ST14: variants seen among roughly 807,000 people sequenced by gnomAD.
ST14 encodes the protein ST14 transmembrane serine protease matriptase.
ST14 carries 40 observed loss-of-function variants against 96.5 expected under a neutral mutation model. The observed-to-expected ratio is 0.41, with a 90% CI of 0.32 to 0.54. The LOEUF (loss-of-function observed/expected upper bound fraction) is 0.54. ST14 is among the 20% of genes least tolerant of loss of function. The probability of loss-of-function intolerance (pLI) is 0.17; values close to 1 mark genes in which losing one functional copy is unlikely to be tolerated. For synonymous variants in ST14, 506 were observed against 492.1 expected (o/e 1.03, Z -0.37); for missense variants, 1,066 against 1,188.9 (o/e 0.90, Z 1.52).
At chr11:130,197,512 A>G (rs1449913054) in intron 11 of ST14, among the ~76,000 whole-genome samples, 1 of 152,244 alleles carries the variant, frequency 6.6e-6, no homozygotes, top group Non-Finnish European at 1.5e-5. Context: ...CAGGCAGCCC[A>G]GCACACAGGG....
In ST14 at chr11:130,187,937, C is replaced by T. The variant is rs924176685; in HGVS notation, c.82-177C>T. The stretch of plus-strand genomic sequence containing the variant: ...CAGAGCATGCCCAGGGTTCATGTCC[C>T]GGGGTCTGCGCTCTGGGCAGTGGTC... On this transcript the variant is annotated intron_variant, in intron 1 of 18. Transcript: ENST00000278742. The surrounding 1 kb of genome is among the most constrained non-coding windows in gnomAD (Gnocchi z 4.5). Among the ~76,000 whole-genome samples the T allele has an allele frequency of 1.7e-4, 26 of 152,210 alleles. No homozygotes were observed. The highest frequency in any genetic ancestry group is 2.6e-4 in the Non-Finnish European group (18 of 68,026).
intron 1 of ST14, among the ~76,000 whole-genome samples, chr11:130,177,178 CTATT>C (rs1953147168): frequency 6.6e-6 from 1 of 152,086 alleles, no homozygotes; most frequent in African/African-American, 2.4e-5. Flanking sequence ...ACTTCCAACT[CTATT>C]TGGGCAATGG....
chr11:130,164,299 A>G (rs571598042), intron 1 of ST14, among the ~76,000 whole-genome samples: 1 of 152,178 alleles, frequency 6.6e-6, no homozygotes, highest in South Asian at 2.1e-4. Flanking sequence ...TTTCCTGCCA[A>G]GCTTCATTGA....
chr11:130,199,353 TAGACAC>T (rs1953404223), intron 15 of ST14, among the ~76,000 whole-genome samples: 4 of 152,194 alleles, frequency 2.6e-5, no homozygotes, highest in Non-Finnish European at 4.4e-5. Flanking sequence ...CCCTGCTGTG[TAGACAC>T]AGCTGTGGAG....
chr11:130,166,950 C>A (rs1461850267), intron 1 of ST14, among the ~76,000 whole-genome samples: 2 of 152,184 alleles, frequency 1.3e-5, no homozygotes, highest in Admixed American at 6.5e-5. Flanking sequence ...GTGGTTCATG[C>A]CTGTAATCCC....
chr11:130,198,476 C>T (rs1332893431), intron 13 of ST14, 32 bp from the exon 14 acceptor site: 1 of 1,612,978 alleles, frequency 6.2e-7, no homozygotes, highest in Non-Finnish European at 8.5e-7. Flanking sequence ...CTGACGGTGG[C>T]TCCTGGTGGC....
chr11:130,171,754 C>T (rs950526597), intron 1 of ST14, among the ~76,000 whole-genome samples: 1 of 152,250 alleles, frequency 6.6e-6, no homozygotes, highest in African/African-American at 2.4e-5. Flanking sequence ...GCCTCGGGCA[C>T]ACAGGCTGAA....
intron 15 of ST14, among the ~76,000 whole-genome samples, 183 bp from the exon 16 acceptor site, chr11:130,199,768 G>C (rs1953407876): frequency 6.6e-6 from 1 of 152,226 alleles, no homozygotes; most frequent in Non-Finnish European, 1.5e-5. Context: ...CATGGTGGAA[G>C]GGAGTCTGTG....
intron 16 of ST14, among the ~76,000 whole-genome samples, chr11:130,206,395 CGTGA>C (rs35794263): frequency 0.42 from 62,957 of 151,570 alleles, 13,748 homozygotes; most frequent in South Asian, 0.6. Flanking sequence ...TTTGAATCAG[CGTGA>C]GTGTCTCGTT....
Position 130,190,449 on chromosome 11 carries a change from C to A in ST14, c.635-5C>A, listed in dbSNP as rs199819888. 8 of 1,605,968 alleles carry A rather than the reference C, an allele frequency of 5.0e-6. No homozygotes were observed. In the Admixed American group the frequency reaches 1.0e-4, roughly 20 times the overall value. ...CACGTGCCCTCCTTCTTGTCTCCTG[C>A]GCAGACAGCTGCAGCTTTGGCCTGC... is the stretch of plus-strand genomic sequence containing the variant. On this transcript the variant is annotated splice_region_variant and splice_polypyrimidine_tract_variant and intron_variant, in intron 6 of 18. Coordinates refer to ENST00000278742, the MANE Select transcript of ST14 (RefSeq NM_021978.4).
At chr11:130,183,532 C>A (rs1343523700) in intron 1 of ST14, among the ~76,000 whole-genome samples, 1 of 143,852 alleles carries the variant, frequency 7.0e-6, no homozygotes, top group Non-Finnish European at 1.5e-5. Context: ...CATAGCAAGA[C>A]CCTGTATCTT....
chr11:130,206,152 C>T (rs979248249), intron 16 of ST14, among the ~76,000 whole-genome samples: 2 of 152,114 alleles, frequency 1.3e-5, no homozygotes, highest in African/African-American at 2.4e-5. Flanking sequence ...TTGAAAAGTT[C>T]GGGCCAGTTA....
intron 1 of ST14, among the ~76,000 whole-genome samples, chr11:130,177,347 G>A (rs771202032): frequency 1.3e-5 from 2 of 151,576 alleles, no homozygotes; most frequent in Non-Finnish European, 2.9e-5. Flanking sequence ...GGCAGATCAC[G>A]AGTTCAAGAG....
chr11:130,160,854 C>T (rs1591873528), intron 1 of ST14, among the ~76,000 whole-genome samples: 1 of 152,226 alleles, frequency 6.6e-6, no homozygotes, highest in South Asian at 2.1e-4. Flanking sequence ...GCAGCCAGGT[C>T]TCTACCCTCT....
intron 1 of ST14, among the ~76,000 whole-genome samples, chr11:130,176,831 C>A (rs201678635): frequency 1.6e-5 from 2 of 121,854 alleles, no homozygotes; most frequent in Admixed American, 9.5e-5. Context: ...CGGAGTCTCA[C>A]TCTGTCACCC....
intron 9 of ST14, 64 bp downstream of exon 9, chr11:130,194,801 T>C: frequency 1.9e-6 from 3 of 1,543,618 alleles, no homozygotes; most frequent in Non-Finnish European, 2.7e-6. Flanking sequence ...TGTGTGTGTC[T>C]CCCTGTGCAG....
At chr11:130,172,569 C>G (rs559536488) in intron 1 of ST14, among the ~76,000 whole-genome samples, 14 of 152,118 alleles carry the variant, frequency 9.2e-5, no homozygotes, top group Non-Finnish European at 1.6e-4. Flanking sequence ...AGGTGCCCAC[C>G]ACCATACCCG....
chr11:130,189,445 G>A (rs1455302375), intron 4 of ST14: 4 of 518,314 alleles, frequency 7.7e-6, no homozygotes, highest in African/African-American at 1.9e-5. Context: ...GGTGACACTC[G>A]GTGTGTCCTC....
At chr11:130,199,398 C>G (rs1184461549) in intron 15 of ST14, among the ~76,000 whole-genome samples, 1 of 152,186 alleles carries the variant, frequency 6.6e-6, no homozygotes, top group Non-Finnish European at 1.5e-5. Flanking sequence ...CGGCCCAGCT[C>G]ACCCAAGCCC....
Sources: allele counts gnomAD v4.1 joint callset (sites outside exome capture counted in the v4.1 genomes callset), GRCh38; gene constraint gnomAD v4.1.1; non-coding constraint Gnocchi (gnomAD v3.1); transcripts MANE v1.5; gene names NCBI Gene and HGNC (gene_info 2026-07-23, HGNC 2026-07-21).